Variants in SAV1 observed in about 807,000 individuals in gnomAD.
SAV1 encodes salvador family WW domain containing protein 1, also known as protein salvador homolog 1.
Under a neutral mutation model 47.3 loss-of-function variants are expected in SAV1, and 23 were observed. The ratio of observed to expected loss-of-function variants is 0.49; its 90% CI spans 0.35 to 0.69. The LOEUF is 0.69. Among genes scored for constraint, SAV1 ranks in the 30% least tolerant of loss-of-function variants. The pLI is 0.01. For synonymous variants in SAV1, 155 were observed against 159.2 expected (o/e 0.97, Z 0.20); for missense variants, 448 against 457.4 (o/e 0.98, Z 0.19).
At chr14:50,648,997 A>G (rs1326264005) in intron 2 of SAV1, among the ~76,000 whole-genome samples, 1 of 152,168 alleles carries the variant, frequency 6.6e-6, no homozygotes, top group Non-Finnish European at 1.5e-5. Flanking sequence ...ACTGATGATC[A>G]GACCTCCATT....
intron 4 of SAV1, among the ~76,000 whole-genome samples, chr14:50,639,618 T>G (rs1271037945): frequency 6.6e-6 from 1 of 152,156 alleles, no homozygotes; most frequent in East Asian, 1.9e-4. Flanking sequence ...AACCACAGAA[T>G]TCAAAAAGAC....
chr14:50,637,061 A>G (rs957779797), intron 4 of SAV1, among the ~76,000 whole-genome samples: 9 of 152,234 alleles, frequency 5.9e-5, no homozygotes, highest in Admixed American at 2.0e-4. Flanking sequence ...GTGAGCCACT[A>G]TACTTGGCAT....
rs1490137754 is a variant in SAV1, at chr14:50,634,810, T to A, written c.*373A>T. 14 of 176,230 alleles carry A rather than the reference T, an allele frequency of 7.9e-5. No individual in the cohort carries two copies. The highest frequency in any genetic ancestry group is 2.4e-4 in the African/African-American group (10 of 41,508). 10.9% of individuals were successfully genotyped at this position (176,230 alleles called of 1,614,324 possible). A position where few individuals can be genotyped will look rare whatever the true frequency, so the allele number is the denominator to read the frequency against. ...CACACTACAGCGGTAAACTTTTTTT[T>A]TAAAAAAATACCGCAGATTCTTTTT... is the stretch of plus-strand genomic sequence containing the variant. On this transcript the variant is annotated 3_prime_UTR_variant, in exon 5 of 5. Coordinates refer to ENST00000324679, the MANE Select transcript of SAV1 (RefSeq NM_021818.4).
In SAV1 at chr14:50,634,687, T is replaced by C. The variant is rs1051093109; in HGVS notation, c.*496A>G. On this transcript the variant is annotated 3_prime_UTR_variant, in exon 5 of 5. Coordinates refer to ENST00000324679, the MANE Select transcript of SAV1 (RefSeq NM_021818.4). Reference sequence around the variant, plus strand: ...TTTGGAGAGGGGAGACAAACATACATCATATATAAATATTTATCACAATAA... The same window carrying C: ...TTTGGAGAGGGGAGACAAACATACACCATATATAAATATTTATCACAATAA... 1.3e-5 allele frequency: 2 copies of C among 158,690 alleles called. No individual in the cohort carries two copies. Among genetic ancestry groups the C allele is most frequent in the Non-Finnish European group, 2.8e-5 (2 of 72,584 alleles). 9.8% of individuals were successfully genotyped at this position (158,690 alleles called of 1,614,324 possible). A position where few individuals can be genotyped will look rare whatever the true frequency, so the allele number is the denominator to read the frequency against.
At chr14:50,652,337 A>T (rs528959031) in intron 2 of SAV1, among the ~76,000 whole-genome samples, 1 of 152,366 alleles carries the variant, frequency 6.6e-6, no homozygotes, top group African/African-American at 2.4e-5. Context: ...GAAAGCAACA[A>T]AACATATTTC....
In SAV1 at chr14:50,634,949, C is replaced by A; in HGVS notation, c.*234G>T. 2.4e-6 allele frequency: 1 copy of A among 420,990 alleles called. No individual in the cohort carries two copies. The highest frequency in any genetic ancestry group is 4.2e-6 in the Non-Finnish European group (1 of 237,260). 26.1% of individuals were successfully genotyped at this position (420,990 alleles called of 1,614,324 possible). The stretch of plus-strand genomic sequence containing the variant: ...TTTTTTTCCATCAAGAATACCAAAA[C>A]AGTTTCCTAATATACAGTATTTGAA... On this transcript the variant is annotated 3_prime_UTR_variant, in exon 5 of 5. Coordinates refer to ENST00000324679, the MANE Select transcript of SAV1 (RefSeq NM_021818.4).
At chr14:50,638,853 C>T (rs148643098) in intron 4 of SAV1, among the ~76,000 whole-genome samples, 16 of 151,796 alleles carry the variant, frequency 1.1e-4, no homozygotes, top group Non-Finnish European at 2.1e-4. Context: ...CTGCAACCTC[C>T]GCCTCCCGGG....
At position 50,633,930 on chromosome 14, in the gene SAV1, T is replaced by G. The variant is rs11623000; in HGVS notation, c.*1253A>C. The G allele has an allele frequency of 1.0e-3, 198 of 192,320 alleles. No individual in the cohort carries two copies. Among genetic ancestry groups the G allele is most frequent in the Non-Finnish European group, 1.8e-3 (160 of 88,916 alleles). 11.9% of individuals were successfully genotyped at this position (192,320 alleles called of 1,614,324 possible). ...TACAGCACTAATTATGAAAAATGTTTTAACTATTAAACCAAAAGGGGAGAA... is the reference window on the plus strand; with the variant it reads ...TACAGCACTAATTATGAAAAATGTTGTAACTATTAAACCAAAAGGGGAGAA... On this transcript the variant is annotated 3_prime_UTR_variant, in exon 5 of 5. Transcript: ENST00000324679.
chr14:50,634,028 A>G lies in SAV1; in HGVS notation c.*1155T>C. 3.4e-6 allele frequency: 1 copy of G among 291,076 alleles called. No individual in the cohort carries two copies. The allele number at this position is 291,076 out of a possible 1,614,324, so 18.0% of individuals were successfully genotyped here. On this transcript the variant is annotated 3_prime_UTR_variant, in exon 5 of 5. Transcript: ENST00000324679. ...AGAAAATTAAAAAGTAATAATATAC[A>G]TTCGATTTAATGACCAAAAATTTTT...
At chr14:50,656,917 T>G (rs2039817419) in intron 2 of SAV1, among the ~76,000 whole-genome samples, 1 of 152,142 alleles carries the variant, frequency 6.6e-6, no homozygotes. Flanking sequence ...AAAAGCTATG[T>G]CAAGCTCTAA....
chr14:50,660,947 G>A (rs2039854617), intron 2 of SAV1, among the ~76,000 whole-genome samples: 1 of 152,200 alleles, frequency 6.6e-6, no homozygotes, highest in Non-Finnish European at 1.5e-5. Context: ...TTGATATACT[G>A]ATTTCTTTTC....
intron 2 of SAV1, among the ~76,000 whole-genome samples, chr14:50,652,572 C>T (rs1258110412): frequency 6.6e-6 from 1 of 152,168 alleles, no homozygotes; most frequent in African/African-American, 2.4e-5. Context: ...AGGGCTCCTG[C>T]CACCAAAGCA....
At chr14:50,646,641 C>T (rs548687961) in intron 2 of SAV1, among the ~76,000 whole-genome samples, 6 of 147,006 alleles carry the variant, frequency 4.1e-5, no homozygotes, top group East Asian at 2.0e-4. Context: ...GCTGAGAACG[C>T]GCCATTACAC....
chr14:50,649,660 AG>A (rs1566743584), intron 2 of SAV1, among the ~76,000 whole-genome samples: 1 of 152,250 alleles, frequency 6.6e-6, no homozygotes, highest in Non-Finnish European at 1.5e-5. Context: ...ACACAGTCCT[AG>A]GAAGACAGTA....
intron 1 of SAV1, 140 bp downstream of exon 1, chr14:50,667,732 GAC>G: frequency 1.5e-6 from 1 of 648,208 alleles, no homozygotes; most frequent in Non-Finnish European, 2.6e-6. Flanking sequence ...TACCACTTCA[GAC>G]ACAAGAAAAT....
At chr14:50,657,020 CTCACT>C (rs1209717634) in intron 2 of SAV1, among the ~76,000 whole-genome samples, 4 of 139,014 alleles carry the variant, frequency 2.9e-5, no homozygotes, top group African/African-American at 1.1e-4. Flanking sequence ...ACACAAAACA[CTCACT>C]TTTTTTTTTT....
At chr14:50,639,453 G>T (rs767297376) in intron 4 of SAV1, among the ~76,000 whole-genome samples, 1 of 152,102 alleles carries the variant, frequency 6.6e-6, no homozygotes, top group African/African-American at 2.4e-5. Context: ...ACATTAATTA[G>T]AATCAACTAG....
At position 50,650,572 on chromosome 14, in the gene SAV1, A is replaced by G. The variant is rs1469675589; in HGVS notation, c.536-5558T>C. Among the ~76,000 whole-genome samples, 4 of 152,112 alleles carry G rather than the reference A, an allele frequency of 2.6e-5. No homozygotes were observed. The East Asian group carries it at 7.7e-4, about 29-fold the overall frequency. ...GACTTCTGAGATTAGGATATAAAAG[A>G]CCGTGCAGCTTCTGCCTTGGTCAAG... On this transcript the variant is annotated intron_variant, in intron 2 of 4. Transcript: ENST00000324679.
In SAV1 at chr14:50,640,739, A is replaced by G; in HGVS notation, c.950+11T>C. ...ACTCCTCAAACAAATTTGTGTTGTA[A>G]ATGTACTTACTTCACAGGGGCTCGT... On this transcript the variant is annotated intron_variant, in intron 4 of 4. Coordinates refer to ENST00000324679, the MANE Select transcript of SAV1 (RefSeq NM_021818.4). 1.2e-6 allele frequency: 2 copies of G among 1,608,918 alleles called. No individual in the cohort carries two copies. Among genetic ancestry groups the G allele is most frequent in the Non-Finnish European group, 1.7e-6 (2 of 1,176,934 alleles).
Sources: gnomAD v4.1 joint callset for allele counts (sites outside exome capture counted in the v4.1 genomes callset) on GRCh38, gnomAD v4.1.1 for gene constraint, MANE v1.5 for transcripts, NCBI Gene and HGNC (gene_info 2026-07-23, HGNC 2026-07-21) for gene names.